SPAG17: variants seen among roughly 807,000 people sequenced by gnomAD.
SPAG17 encodes the protein sperm-associated antigen 17.
A neutral mutation model predicts 273.6 loss-of-function variants in SPAG17; 169 were observed. The ratio of observed to expected loss-of-function variants is 0.62; its 90% confidence interval spans 0.55 to 0.70. The LOEUF is 0.70. SPAG17 is among the 30% of genes least tolerant of loss of function. SPAG17 has a pLI of 0.00. For synonymous variants in SPAG17, 825 were observed against 873.2 expected, an observed-to-expected ratio of 0.94 and a Z score of 0.97; for missense variants, 2,557 against 2,627.8, an observed-to-expected ratio of 0.97 and a Z score of 0.59.
chr1:118,151,961 A>T (rs1352405094), intron 1 of SPAG17, among the ~76,000 whole-genome samples: 1 of 152,210 alleles, frequency 6.6e-6, no homozygotes, highest in African/African-American at 2.4e-5. Flanking sequence ...AATTTTAAAA[A>T]ATTAGTTACT....
intron 3 of SPAG17, among the ~76,000 whole-genome samples, chr1:118,140,783 G>T (rs1658638820): frequency 6.6e-6 from 1 of 152,106 alleles, no homozygotes; most frequent in Non-Finnish European, 1.5e-5. Flanking sequence ...TTTTTTAAAA[G>T]AACTTAATTG....
At chr1:117,955,342 A>G in intron 48 of SPAG17, 2 of 1,612,520 alleles carry the variant, frequency 1.2e-6, no homozygotes, top group Non-Finnish European at 1.7e-6. Context: ...AGAGATTTTT[A>G]AAGGGATCAA....
chr1:118,059,696 T>C (rs1369149612), intron 18 of SPAG17, among the ~76,000 whole-genome samples: 1 of 152,142 alleles, frequency 6.6e-6, no homozygotes, highest in African/African-American at 2.4e-5. Flanking sequence ...TATGTCTTTC[T>C]TTACCTTTTG....
chr1:118,003,618 T>C (rs1451680510), intron 32 of SPAG17, among the ~76,000 whole-genome samples: 1 of 152,220 alleles, frequency 6.6e-6, no homozygotes, highest in East Asian at 1.9e-4. Context: ...CTATTGAAGC[T>C]TGTGCATGTG....
chr1:118,149,333 G>C (rs1295302736), intron 3 of SPAG17, among the ~76,000 whole-genome samples: 1 of 152,150 alleles, frequency 6.6e-6, no homozygotes, highest in Admixed American at 6.5e-5. Flanking sequence ...TCAAAACTAG[G>C]CTGCTATCAT....
intron 26 of SPAG17, 93 bp from the exon 27 acceptor site, chr1:118,025,509 T>C: frequency 9.7e-7 from 1 of 1,034,152 alleles, no homozygotes; most frequent in Non-Finnish European, 1.3e-6. Flanking sequence ...TCTTTTCTTT[T>C]CTTTATTTTA....
intron 28 of SPAG17, among the ~76,000 whole-genome samples, chr1:118,017,164 C>T (rs1660056040): frequency 6.6e-6 from 1 of 152,142 alleles, no homozygotes; most frequent in South Asian, 2.1e-4. Context: ...CATATTTATA[C>T]TTCTAGAATA....
chr1:117,987,939 A>T, intron 39 of SPAG17, 58 bp from the exon 40 acceptor site: 5 of 1,580,428 alleles, frequency 3.2e-6, no homozygotes, highest in Non-Finnish European at 4.3e-6. Context: ...GCTTAAAAAC[A>T]AAACCAAAAA....
intron 7 of SPAG17, among the ~76,000 whole-genome samples, chr1:118,095,977 C>T (rs74113550): frequency 3.2e-4 from 48 of 152,204 alleles, no homozygotes; most frequent in African/African-American, 1.1e-3. Flanking sequence ...CTAGTCTTTC[C>T]CAGAACCAGC....
At chr1:117,969,789 G>A (rs1163609620) in intron 46 of SPAG17, among the ~76,000 whole-genome samples, 2 of 152,160 alleles carry the variant, frequency 1.3e-5, no homozygotes, top group Non-Finnish European at 2.9e-5. Context: ...GACAAGTGAG[G>A]TGAGCTTCAG....
chr1:118,003,873 G>A (rs1658580793), intron 32 of SPAG17, among the ~76,000 whole-genome samples: 1 of 152,166 alleles, frequency 6.6e-6, no homozygotes. Context: ...AAGGAGCTGT[G>A]ATCCTTTGGA....
chr1:118,115,496 T>A (rs1173240340), intron 3 of SPAG17, 55 bp from the exon 4 acceptor site: 1 of 1,511,474 alleles, frequency 6.6e-7, no homozygotes, highest in Non-Finnish European at 8.9e-7. Context: ...TTTGGCACAG[T>A]CTGTCAGTGA....
At chr1:117,971,051 CG>C (rs1654492437) in intron 45 of SPAG17, among the ~76,000 whole-genome samples, 1 of 151,482 alleles carries the variant, frequency 6.6e-6, no homozygotes, top group African/African-American at 2.4e-5. Flanking sequence ...ATGCTTCTAT[CG>C]TTTTTTTTTT....
chr1:118,165,645 C>CT (rs5777341), intron 1 of SPAG17, among the ~76,000 whole-genome samples: 69,783 of 108,350 alleles, frequency 0.64, 24,135 homozygotes, highest in African/African-American at 0.67. Flanking sequence ...AAAAAACTTT[C>CT]TTTTTTTTTT....
rs1437803769 is a variant in SPAG17 at position 117,968,923 on chromosome 1, G to A, written c.6387+1133C>T. Among the ~76,000 whole-genome samples, 6 of 152,234 alleles carry A rather than the reference G, an allele frequency of 3.9e-5. No homozygotes were observed. In the East Asian group the frequency reaches 1.2e-3, roughly 29 times the overall value. On this transcript the variant is annotated intron_variant, in intron 46 of 48. Transcript: ENST00000336338. Reference sequence around the variant, plus strand: ...CTCTTGAGTACCCACTATGTGCCTGGCTCTGTAAGCTGCTTACGTGTCTTA... The same window carrying A: ...CTCTTGAGTACCCACTATGTGCCTGACTCTGTAAGCTGCTTACGTGTCTTA...
chr1:118,039,516 C>T, intron 22 of SPAG17, 72 bp from the exon 23 acceptor site: 4 of 1,435,760 alleles, frequency 2.8e-6, no homozygotes, highest in Non-Finnish European at 2.9e-6. Flanking sequence ...AAGATGGTTA[C>T]ACAATGCTGC....
At position 118,086,083 on chromosome 1, in the gene SPAG17, A is replaced by G. The variant is rs200746336; in HGVS notation, c.1612-11T>C. Reference sequence around the variant, plus strand: ...AAAATTCTTTTGGTCCTGATGAAAAAGAGCAACATGACAGAAGACATTAGA... The same window carrying G: ...AAAATTCTTTTGGTCCTGATGAAAAGGAGCAACATGACAGAAGACATTAGA... On this transcript the variant is annotated splice_polypyrimidine_tract_variant and intron_variant, in intron 12 of 48. Transcript: ENST00000336338. 2.3e-5 allele frequency: 37 copies of G among 1,613,052 alleles called. No individual in the cohort carries two copies. In the South Asian group the frequency reaches 4.0e-4, roughly 17 times the overall value.
At chr1:118,136,559 G>A (rs889997615) in intron 3 of SPAG17, among the ~76,000 whole-genome samples, 4 of 152,162 alleles carry the variant, frequency 2.6e-5, no homozygotes, top group African/African-American at 9.7e-5. Flanking sequence ...TTTTTGGACA[G>A]GCAGAACTTC....
At chr1:117,958,708 C>T (rs918479620) in intron 48 of SPAG17, among the ~76,000 whole-genome samples, 13 of 149,288 alleles carry the variant, frequency 8.7e-5, no homozygotes, top group African/African-American at 3.0e-4. Flanking sequence ...AGGTTTAGGA[C>T]AGTATTTTTT....
Sources: allele counts gnomAD v4.1 joint callset (sites outside exome capture counted in the v4.1 genomes callset), GRCh38; gene constraint gnomAD v4.1.1; transcripts MANE v1.5; gene names NCBI Gene and HGNC (gene_info 2026-07-23, HGNC 2026-07-21).